The following SKAP1 variants were observed in gnomAD, a reference collection of about 807,000 sequenced individuals.
SKAP1 encodes src kinase associated phosphoprotein 1.
In SKAP1, 44 loss-of-function variants were observed where a neutral mutation model predicts 58.5. The ratio of observed to expected loss-of-function variants is 0.75; its 90% CI spans 0.59 to 0.97. The LOEUF is 0.97. Ranked by LOEUF, SKAP1 falls within the 50% of genes least tolerant of loss-of-function variation. The pLI, the probability that SKAP1 is intolerant of heterozygous loss-of-function variation, is 0.00. For synonymous variants in SKAP1, 127 were observed against 149.7 expected, an observed-to-expected ratio of 0.85 and a Z score of 1.11; for missense variants, 390 against 435.2, an observed-to-expected ratio of 0.90 and a Z score of 0.92.
intron 2 of SKAP1, among the ~76,000 whole-genome samples, chr17:48,371,576 G>A (rs752004999): frequency 5.6e-5 from 8 of 143,718 alleles, no homozygotes; most frequent in Non-Finnish European, 1.2e-4. Flanking sequence ...CAGCACTTTG[G>A]GAGGCCAAGG....
chr17:48,254,312 C>T (rs2065399200), intron 4 of SKAP1, among the ~76,000 whole-genome samples: 1 of 152,088 alleles, frequency 6.6e-6, no homozygotes, highest in South Asian at 2.1e-4. Context: ...CTCCTAATCA[C>T]AAAGCTAGAA....
At chr17:48,170,177 G>C (rs2064189072) in intron 10 of SKAP1, among the ~76,000 whole-genome samples, 1 of 152,174 alleles carries the variant, frequency 6.6e-6, no homozygotes, top group Non-Finnish European at 1.5e-5. Flanking sequence ...CTTTCACCCT[G>C]TGTTCACTTT....
intron 4 of SKAP1, among the ~76,000 whole-genome samples, chr17:48,325,778 G>A (rs2066429424): frequency 6.6e-6 from 1 of 152,144 alleles, no homozygotes; most frequent in Admixed American, 6.5e-5. Flanking sequence ...AAGTGTCCGG[G>A]ATTACCAAAG....
chr17:48,280,906 G>A (rs905170341), intron 4 of SKAP1, among the ~76,000 whole-genome samples: 2 of 152,150 alleles, frequency 1.3e-5, no homozygotes, highest in African/African-American at 4.8e-5. Flanking sequence ...ACCAGTTGAT[G>A]GATACTTGGG....
At chr17:48,167,126 A>C (rs759195658) in intron 10 of SKAP1, among the ~76,000 whole-genome samples, 1 of 152,150 alleles carries the variant, frequency 6.6e-6, no homozygotes, top group Non-Finnish European at 1.5e-5. Context: ...TTCGCCTCCC[A>C]AAGTGCTGGA....
chr17:48,405,389 T>TTTCCTTTC (rs1289541808), intron 1 of SKAP1, among the ~76,000 whole-genome samples: 2 of 147,620 alleles, frequency 1.4e-5, no homozygotes, highest in Non-Finnish European at 1.5e-5. Context: ...TTTTTTTCTC[T>TTTCCTTTC]TTCCTTTCTT....
At chr17:48,295,381 C>A (rs552216735) in intron 4 of SKAP1, among the ~76,000 whole-genome samples, 2 of 151,990 alleles carry the variant, frequency 1.3e-5, no homozygotes, top group African/African-American at 4.8e-5. Context: ...AAAGCAGGGA[C>A]CTAAAAATTG....
intron 4 of SKAP1, among the ~76,000 whole-genome samples, chr17:48,326,552 C>T (rs1456397382): frequency 2.0e-5 from 3 of 152,160 alleles, no homozygotes; most frequent in Non-Finnish European, 4.4e-5. Flanking sequence ...TTTTGAATGG[C>T]TTATCTAGAT....
chr17:48,275,352 C>A (rs917562984), intron 4 of SKAP1, among the ~76,000 whole-genome samples: 1 of 152,212 alleles, frequency 6.6e-6, no homozygotes, highest in Non-Finnish European at 1.5e-5. Context: ...GGGTTCTCCT[C>A]CTACCTCTGA....
chr17:48,191,947 T>A (rs1395130022), intron 4 of SKAP1, among the ~76,000 whole-genome samples: 1 of 152,216 alleles, frequency 6.6e-6, no homozygotes, highest in Non-Finnish European at 1.5e-5. Context: ...TAGCAGATTC[T>A]ACTGAGGGTG....
intron 4 of SKAP1, among the ~76,000 whole-genome samples, chr17:48,336,456 T>C (rs189396847): frequency 6.6e-6 from 1 of 152,274 alleles, no homozygotes; most frequent in East Asian, 1.9e-4. Context: ...CTGAAATTTA[T>C]GTAGTTTGGA....
intron 4 of SKAP1, among the ~76,000 whole-genome samples, chr17:48,340,158 C>A (rs2144306933): frequency 6.6e-6 from 1 of 152,014 alleles, no homozygotes; most frequent in East Asian, 1.9e-4. Flanking sequence ...CCAGCCTGGG[C>A]AACAGAGCTA....
At chr17:48,268,086 C>T (rs1402607328) in intron 4 of SKAP1, among the ~76,000 whole-genome samples, 2 of 152,012 alleles carry the variant, frequency 1.3e-5, no homozygotes, top group Non-Finnish European at 2.9e-5. Flanking sequence ...GAAAGACAGA[C>T]ATTACTCTTT....
intron 2 of SKAP1, among the ~76,000 whole-genome samples, chr17:48,370,967 C>T (rs1282411049): frequency 1.3e-5 from 2 of 152,084 alleles, no homozygotes; most frequent in Admixed American, 6.5e-5. Flanking sequence ...AATGAAATCA[C>T]GTCCTTTTCA....
chr17:48,348,416 A>C (rs561129238), intron 3 of SKAP1, among the ~76,000 whole-genome samples: 180 of 151,972 alleles, frequency 1.2e-3, no homozygotes, highest in African/African-American at 4.1e-3. Flanking sequence ...GTTTTAAAAA[A>C]CATGCAGATC....
intron 4 of SKAP1, among the ~76,000 whole-genome samples, chr17:48,284,907 A>G (rs1483254073): frequency 6.6e-6 from 1 of 152,220 alleles, no homozygotes; most frequent in Non-Finnish European, 1.5e-5. Context: ...TCAGGTTACC[A>G]GATTGGTAGT....
At chr17:48,158,761 C>G (rs1003493338) in intron 11 of SKAP1, among the ~76,000 whole-genome samples, 27 of 151,320 alleles carry the variant, frequency 1.8e-4, no homozygotes, top group African/African-American at 5.6e-4. Flanking sequence ...GAGATTGAGA[C>G]CATCCTGGCT....
chr17:48,182,405 A>G lies in SKAP1; in HGVS notation c.620T>C (p.Phe207Ser), dbSNP rs758322592. Residue 207 changes from phenylalanine to serine, a missense_variant, in exon 8 of 13, where the codon TTC becomes TCC. Coordinates refer to ENST00000336915, the MANE Select transcript of SKAP1 (RefSeq NM_003726.4). The part of the protein sequence containing the change: ...EARDWVDQIS[F>S]LLKDLSSLTI... ...ACAATGACACTTACCCTTTAACAAG[A>G]AACTTATTTGATCCACCCAGTCTCT... The G allele has an allele frequency of 1.1e-5, 17 of 1,607,234 alleles. No homozygotes were observed. The highest frequency in any genetic ancestry group is 2.2e-5 in the East Asian group (1 of 44,664).
chr17:48,136,017 C>T (rs955299716), intron 12 of SKAP1, among the ~76,000 whole-genome samples: 18 of 152,270 alleles, frequency 1.2e-4, no homozygotes, highest in African/African-American at 4.1e-4. Context: ...TGTATTTAAT[C>T]ATGAATCTCC....
Sources: allele counts gnomAD v4.1 joint callset (sites outside exome capture counted in the v4.1 genomes callset), GRCh38; gene constraint gnomAD v4.1.1; transcripts MANE v1.5; gene names NCBI Gene and HGNC (gene_info 2026-07-23, HGNC 2026-07-21).